Variants in LPAR3 observed in about 807,000 individuals in gnomAD.
The protein encoded by LPAR3 is lysophosphatidic acid receptor 3.
Under a neutral mutation model 17.8 loss-of-function variants are expected in LPAR3, and 7 were observed. The ratio of observed to expected loss-of-function variants is 0.39; its 90% CI spans 0.22 to 0.74. The LOEUF (loss-of-function observed/expected upper bound fraction) is 0.74. Among genes scored for constraint, LPAR3 ranks in the 30% least tolerant of loss-of-function variants. The pLI is 0.40. For missense variants in LPAR3, 391 were observed against 453.4 expected (o/e 0.86, Z 1.25); for synonymous variants, 179 against 179.9 (o/e 0.99, Z 0.04).
chr1:84,863,326 T>C (rs1045254790), intron 2 of LPAR3, among the ~76,000 whole-genome samples: 6 of 152,298 alleles, frequency 3.9e-5, no homozygotes, highest in Admixed American at 3.9e-4. Context: ...ATCAGGCTCT[T>C]GGCTATACCA....
intron 1 of LPAR3, among the ~76,000 whole-genome samples, chr1:84,889,763 G>T (rs550462398): frequency 6.6e-6 from 1 of 152,278 alleles, no homozygotes; most frequent in South Asian, 2.1e-4. Context: ...AATAGCCAGA[G>T]CTGAGTGGGC....
intron 1 of LPAR3, among the ~76,000 whole-genome samples, chr1:84,891,604 T>C (rs573941878): frequency 6.6e-6 from 1 of 152,180 alleles, no homozygotes; most frequent in Admixed American, 6.5e-5. Flanking sequence ...CCACTGCCCA[T>C]GGAAAGCAGG....
At chr1:84,867,434 A>G (rs9324145) in intron 1 of LPAR3, among the ~76,000 whole-genome samples, 122,161 of 151,998 alleles carry the variant, frequency 0.8, 49,432 homozygotes, top group African/African-American at 0.9. Flanking sequence ...AAGCTCAGTA[A>G]AAGCCCCCAG....
intron 2 of LPAR3, among the ~76,000 whole-genome samples, chr1:84,827,393 C>A (rs1160901426): frequency 6.6e-6 from 1 of 152,142 alleles, no homozygotes; most frequent in Non-Finnish European, 1.5e-5. Context: ...TTGTTAAATT[C>A]TTTCATTTAT....
intron 2 of LPAR3, among the ~76,000 whole-genome samples, chr1:84,822,073 A>C (rs1282099862): frequency 1.3e-5 from 2 of 152,198 alleles, no homozygotes; most frequent in African/African-American, 4.8e-5. Flanking sequence ...TCCTTCTATT[A>C]ATAAATATTT....
intron 2 of LPAR3, among the ~76,000 whole-genome samples, chr1:84,856,042 ATG>A (rs1036186031): frequency 2.6e-4 from 39 of 152,266 alleles, no homozygotes; most frequent in African/African-American, 9.1e-4. Context: ...ACAGGAAGGG[ATG>A]TGTCAAACAG....
At chr1:84,841,559 C>G (rs923568670) in intron 2 of LPAR3, among the ~76,000 whole-genome samples, 1 of 152,174 alleles carries the variant, frequency 6.6e-6, no homozygotes, top group South Asian at 2.1e-4. Flanking sequence ...TCGACACCTT[C>G]TATTCAATGT....
intron 2 of LPAR3, among the ~76,000 whole-genome samples, chr1:84,848,335 T>C (rs963636246): frequency 3.3e-5 from 5 of 152,222 alleles, no homozygotes; most frequent in African/African-American, 1.2e-4. Context: ...GGCTGGCCAC[T>C]TTCCCTCCCA....
chr1:84,818,402 A>G (rs1176730556), intron 2 of LPAR3, among the ~76,000 whole-genome samples: 1 of 152,230 alleles, frequency 6.6e-6, no homozygotes, highest in African/African-American at 2.4e-5. Context: ...CAAAAAAATC[A>G]CGTCATTAAA....
intron 1 of LPAR3, among the ~76,000 whole-genome samples, chr1:84,883,807 CGTAG>C (rs1390905043): frequency 2.0e-5 from 3 of 151,580 alleles, no homozygotes; most frequent in African/African-American, 7.3e-5. Flanking sequence ...AAATGTAAGA[CGTAG>C]ATTTGTTCTC....
In LPAR3 at chr1:84,865,815, C is replaced by A; in HGVS notation, c.306G>T (p.Trp102Cys). The A allele has an allele frequency of 1.2e-6, 2 of 1,614,142 alleles. No individual in the cohort carries two copies. Among genetic ancestry groups the A allele is most frequent in the South Asian group, 1.1e-5 (1 of 91,082 alleles). ...TGTCCAGAAGCCCCTGACGGAGAAA[C>A]CAGCGGTTGACAGTCAAAGTTTTTG... is the stretch of plus-strand genomic sequence containing the variant. Reference protein sequence around the residue: ...PVSKTLTVNRWFLRQGLLDSS... With the variant: ...PVSKTLTVNRCFLRQGLLDSS... The change falls in exon 2 of 3, where the codon TGG becomes TGT. Residue 102 changes from tryptophan to cysteine, a missense_variant. Transcript: ENST00000370611.
At chr1:84,890,861 G>C (rs962266957) in intron 1 of LPAR3, among the ~76,000 whole-genome samples, 2 of 152,182 alleles carry the variant, frequency 1.3e-5, no homozygotes, top group African/African-American at 4.8e-5. Flanking sequence ...GAGAAACTTG[G>C]GGGAGAAGCA....
intron 2 of LPAR3, among the ~76,000 whole-genome samples, chr1:84,848,694 C>G (rs1003743743): frequency 2.0e-5 from 3 of 152,156 alleles, no homozygotes; most frequent in African/African-American, 7.2e-5. Context: ...AGTTTCTAAG[C>G]TGCATGCAAA....
At chr1:84,871,182 A>C (rs1660153202) in intron 1 of LPAR3, among the ~76,000 whole-genome samples, 1 of 152,184 alleles carries the variant, frequency 6.6e-6, no homozygotes, top group African/African-American at 2.4e-5. Flanking sequence ...ACCTAGAAAA[A>C]AAAGATGCTA....
chr1:84,821,429 A>G (rs1023621928), intron 2 of LPAR3, among the ~76,000 whole-genome samples: 1 of 152,236 alleles, frequency 6.6e-6, no homozygotes, highest in Non-Finnish European at 1.5e-5. Flanking sequence ...CAGGGATGTG[A>G]ACAAATCTTA....
rs754503681 is a variant in LPAR3 at position 84,814,006 on chromosome 1, T to C, written c.902A>G (p.Tyr301Cys). 1 of 1,614,142 alleles carries C rather than the reference T, an allele frequency of 6.2e-7. No homozygotes were observed. Among genetic ancestry groups the C allele is most frequent in the Non-Finnish European group, 8.5e-7 (1 of 1,180,038 alleles). Residue 301 changes from tyrosine (Y) to cysteine (C), a missense_variant, in exon 3 of 3, where the codon TAT becomes TGT. Physicochemically the swap from Tyr to Cys is radical, Grantham distance 194. Coordinates refer to ENST00000370611, the MANE Select transcript of LPAR3 (RefSeq NM_012152.3). ...GCAGATCATCTTCTTCATGGTGCCA[T>C]ACATGTCCTCGTCCTTGTAGGAGTA... ...IIYSYKDEDM[Y>C]GTMKKMICCF...
At chr1:84,890,814 T>G (rs370928518) in intron 1 of LPAR3, among the ~76,000 whole-genome samples, 24 of 152,368 alleles carry the variant, frequency 1.6e-4, no homozygotes, top group Middle Eastern at 6.8e-3. Context: ...AGGCGGGTCT[T>G]AAGTTATCAC....
At chr1:84,892,462 G>A (rs140749972) in intron 1 of LPAR3, among the ~76,000 whole-genome samples, 118 of 152,244 alleles carry the variant, frequency 7.8e-4, no homozygotes, top group Admixed American at 1.3e-3. Flanking sequence ...GGTGGTGAGG[G>A]GGCATACCCT....
chr1:84,858,037 G>A (rs902400584), intron 2 of LPAR3, among the ~76,000 whole-genome samples: 1 of 152,180 alleles, frequency 6.6e-6, no homozygotes, highest in Non-Finnish European at 1.5e-5. Flanking sequence ...GAGTTGTTAT[G>A]AGGGTTAAGT....
Sources: gnomAD v4.1 joint callset for allele counts (sites outside exome capture counted in the v4.1 genomes callset) on GRCh38, gnomAD v4.1.1 for gene constraint, MANE v1.5 for transcripts, NCBI Gene and HGNC (gene_info 2026-07-23, HGNC 2026-07-21) for gene names.